The following SLC30A8 variants were observed in gnomAD, a reference collection of about 807,000 sequenced individuals.
SLC30A8 encodes proton-coupled zinc antiporter SLC30A8.
In SLC30A8, 27 loss-of-function variants were observed where a neutral mutation model predicts 36.9. The observed-to-expected ratio is 0.73, with a 90% CI of 0.54 to 1.01. The LOEUF is 1.01. Ranked by LOEUF, SLC30A8 falls within the 50% of genes least tolerant of loss-of-function variation. The probability of loss-of-function intolerance (pLI) is 0.00; values close to 1 mark genes in which losing one functional copy is unlikely to be tolerated. For missense variants in SLC30A8, 439 were observed against 452.0 expected, an observed-to-expected ratio of 0.97 and a Z score of 0.26; for synonymous variants, 164 against 172.4, an observed-to-expected ratio of 0.95 and a Z score of 0.38.
intron 1 of SLC30A8, among the ~76,000 whole-genome samples, chr8:116,963,310 CAT>C (rs1448480569): frequency 3.5e-4 from 53 of 152,082 alleles, no homozygotes; most frequent in Admixed American, 3.3e-3. Flanking sequence ...GTAGAATACA[CAT>C]AACATATAAT....
chr8:117,075,112 C>T (rs1818450349), intron 2 of SLC30A8, among the ~76,000 whole-genome samples: 1 of 152,110 alleles, frequency 6.6e-6, no homozygotes, highest in South Asian at 2.1e-4. Flanking sequence ...AACTTGATTT[C>T]TATAACTAAT....
At chr8:117,112,438 G>T (rs951080169) in intron 2 of SLC30A8, among the ~76,000 whole-genome samples, 7 of 151,984 alleles carry the variant, frequency 4.6e-5, no homozygotes, top group African/African-American at 1.5e-4. Flanking sequence ...CACAGGAGGG[G>T]TGAACAGTTA....
At chr8:117,153,148 G>A (rs1822281514) in intron 3 of SLC30A8, 58 bp downstream of exon 3, 5 of 1,468,612 alleles carry the variant, frequency 3.4e-6, no homozygotes, top group Non-Finnish European at 3.6e-6. Context: ...CAAACCAAGG[G>A]TAAAAGTGGA....
intron 1 of SLC30A8, among the ~76,000 whole-genome samples, chr8:117,014,288 CCTT>C (rs5894360): frequency 0.44 from 66,659 of 151,574 alleles, 15,110 homozygotes; most frequent in East Asian, 0.55. Context: ...GCTGAACAGT[CCTT>C]CTTAGTTTCC....
At chr8:117,123,528 C>A (rs1476710471) in intron 2 of SLC30A8, among the ~76,000 whole-genome samples, 3 of 151,964 alleles carry the variant, frequency 2.0e-5, no homozygotes, top group East Asian at 1.9e-4. Context: ...TTGTGAGATA[C>A]TTTTTGTGTG....
At chr8:117,035,969 C>G (rs756767456) in intron 1 of SLC30A8, among the ~76,000 whole-genome samples, 26 of 120,848 alleles carry the variant, frequency 2.2e-4, no homozygotes, top group Non-Finnish European at 4.2e-4. Context: ...AGTCATTTTT[C>G]CCTCCTACTC....
At chr8:117,071,115 C>A (rs1360342733) in intron 2 of SLC30A8, among the ~76,000 whole-genome samples, 1 of 152,104 alleles carries the variant, frequency 6.6e-6, no homozygotes, top group Non-Finnish European at 1.5e-5. Flanking sequence ...ATTTGAGGAG[C>A]CTCCATACTG....
intron 2 of SLC30A8, among the ~76,000 whole-genome samples, chr8:117,103,075 A>G (rs897811269): frequency 1.3e-5 from 2 of 152,130 alleles, no homozygotes; most frequent in Non-Finnish European, 2.9e-5. Flanking sequence ...AAAGTTCAAA[A>G]TCTCCTCTTC....
intron 2 of SLC30A8, among the ~76,000 whole-genome samples, chr8:117,075,682 C>T (rs745446052): frequency 1.3e-5 from 2 of 152,168 alleles, no homozygotes; most frequent in Non-Finnish European, 2.9e-5. Flanking sequence ...TCTTTAGCTT[C>T]ACCTTTCTCT....
intron 3 of SLC30A8, among the ~76,000 whole-genome samples, chr8:117,157,408 G>T (rs1822550357): frequency 6.6e-6 from 1 of 152,082 alleles, no homozygotes; most frequent in Admixed American, 6.5e-5. Flanking sequence ...AGGAAAACAG[G>T]GGGTAGGGGC....
chr8:117,132,943 T>G (rs144043610), upstream of SLC30A8, among the ~76,000 whole-genome samples: 446 of 152,172 alleles, frequency 2.9e-3, 5 homozygotes, highest in African/African-American at 1.0e-2. Flanking sequence ...CTACTCACAC[T>G]GGAAGCTTTG....
At chr8:117,012,722 T>TAC (rs1491474446) in intron 1 of SLC30A8, among the ~76,000 whole-genome samples, 36 of 42,496 alleles carry the variant, frequency 8.5e-4, no homozygotes, top group Admixed American at 5.7e-3. Flanking sequence ...TAGACATATG[T>TAC]ATACACACAC....
intron 1 of SLC30A8, chr8:117,007,184 C>T (rs1415836216): frequency 6.6e-6 from 1 of 151,492 alleles, no homozygotes; most frequent in African/African-American, 2.4e-5. Flanking sequence ...GAAAAATGTA[C>T]CTATAGGTAG....
At chr8:117,108,355 G>A (rs1034701225) in intron 2 of SLC30A8, among the ~76,000 whole-genome samples, 1 of 152,100 alleles carries the variant, frequency 6.6e-6, no homozygotes, top group African/African-American at 2.4e-5. Flanking sequence ...AGAGTGATAG[G>A]TACCAATGGC....
At chr8:117,045,715 T>C (rs1341391720) in intron 2 of SLC30A8, among the ~76,000 whole-genome samples, 3 of 152,190 alleles carry the variant, frequency 2.0e-5, no homozygotes, top group Non-Finnish European at 4.4e-5. Flanking sequence ...GCAGCAGCAG[T>C]CCTTTCAAAG....
At chr8:117,083,815 A>C (rs1165714285) in intron 2 of SLC30A8, among the ~76,000 whole-genome samples, 1 of 152,100 alleles carries the variant, frequency 6.6e-6, no homozygotes, top group Non-Finnish European at 1.5e-5. Context: ...AGCCACTGAG[A>C]TTTGGAGATA....
chr8:117,141,468 TTTAA>T (rs544823447), intron 1 of SLC30A8, among the ~76,000 whole-genome samples: 182 of 152,272 alleles, frequency 1.2e-3, no homozygotes, highest in African/African-American at 4.3e-3. Context: ...TTCAACACCC[TTTAA>T]TTATATAAAC....
intron 6 of SLC30A8, among the ~76,000 whole-genome samples, chr8:117,169,686 A>G (rs1294550213): frequency 2.0e-5 from 3 of 152,126 alleles, no homozygotes; most frequent in Non-Finnish European, 2.9e-5. Context: ...GGAGGCCTCA[A>G]GAAGCTTCCA....
intron 2 of SLC30A8, among the ~76,000 whole-genome samples, chr8:117,116,319 G>T (rs148805003): frequency 2.8e-4 from 42 of 152,066 alleles, no homozygotes; most frequent in East Asian, 2.1e-3. Context: ...CAATTCACAG[G>T]CAGCTCCAGA....
Sources: gnomAD v4.1 joint callset for allele counts (sites outside exome capture counted in the v4.1 genomes callset) on GRCh38, gnomAD v4.1.1 for gene constraint, MANE v1.5 for transcripts, NCBI Gene and HGNC (gene_info 2026-07-23, HGNC 2026-07-21) for gene names.